Variants in FKBP15 observed in about 807,000 individuals in gnomAD.
The protein encoded by FKBP15 is FKBP prolyl isomerase family member 15.
In FKBP15, 106 loss-of-function variants were observed where a neutral mutation model predicts 158.1. That is an observed-to-expected ratio of 0.67 (90% CI 0.57 to 0.79). The LOEUF (loss-of-function observed/expected upper bound fraction) is 0.79, where lower values mean the gene tolerates loss of function less well. Ranked by LOEUF, FKBP15 falls within the 30% of genes least tolerant of loss-of-function variation. The pLI, the probability that FKBP15 is intolerant of heterozygous loss-of-function variation, is 0.00. For synonymous variants in FKBP15, 547 were observed against 548.6 expected (o/e 1.00, Z 0.04); for missense variants, 1,287 against 1,479.1 (o/e 0.87, Z 2.13).
Position 113,161,969 on chromosome 9 carries a change from A to G in FKBP15, c.*4109T>C. ...GATCTTCAGGTGCAGGCCCCTATCT[A>G]GCAAATGAGGTGGCCACCCACCCTC... On this transcript the variant is annotated 3_prime_UTR_variant, in exon 28 of 28. Transcript: ENST00000238256. 1 of 543,374 alleles carries G rather than the reference A, an allele frequency of 1.8e-6. No homozygotes were observed. Among genetic ancestry groups the G allele is most frequent in the South Asian group, 1.8e-5 (1 of 57,124 alleles). The allele number at this position is 543,374 out of a possible 1,614,324, so 33.7% of individuals were successfully genotyped here.
At chr9:113,209,783 T>C (rs1233517040) in intron 2 of FKBP15, among the ~76,000 whole-genome samples, 3 of 152,268 alleles carry the variant, frequency 2.0e-5, no homozygotes, top group African/African-American at 7.2e-5. Context: ...TCTGCTTTCT[T>C]CAGCACTTTT....
chr9:113,188,891 C>G (rs756022851), intron 12 of FKBP15, among the ~76,000 whole-genome samples: 32 of 152,208 alleles, frequency 2.1e-4, no homozygotes, highest in Non-Finnish European at 1.8e-4. Flanking sequence ...AGCCTCTTCG[C>G]TTCTTACAAA....
chr9:113,193,455 G>A (rs1236870507), intron 11 of FKBP15, 37 bp downstream of exon 11: 1 of 1,533,338 alleles, frequency 6.5e-7, no homozygotes, highest in Non-Finnish European at 8.9e-7. Context: ...GATTACAGGT[G>A]TGAACCACCA....
chr9:113,178,632 G>T lies in FKBP15; in HGVS notation c.2084C>A (p.Ser695Ter). ...AGCATCCCCCACCTAGCACATACCTGAGAGCTTTGCCTGCACTTTGGTGAG... is the reference window on the plus strand; with the variant it reads ...AGCATCCCCCACCTAGCACATACCTTAGAGCTTTGCCTGCACTTTGGTGAG... Reference protein sequence around the residue: ...GQLTKVQAKLSELQETSEQAQ... With the variant: ...GQLTKVQAKL Residue 695 changes from serine to a stop codon, truncating the protein, a stop_gained and splice_region_variant, in exon 20 of 28, where the codon TCA (serine) becomes TAA (stop). Coordinates refer to ENST00000238256, the MANE Select transcript of FKBP15 (RefSeq NM_015258.2). LOFTEE classifies it high-confidence loss of function. 6.2e-7 allele frequency: 1 copy of T among 1,607,946 alleles called. No individual in the cohort carries two copies. Among genetic ancestry groups the T allele is most frequent in the East Asian group, 2.2e-5 (1 of 44,692 alleles).
chr9:113,170,060 G>A, intron 25 of FKBP15, 118 bp from the exon 26 acceptor site: 1 of 1,297,198 alleles, frequency 7.7e-7, no homozygotes, highest in Non-Finnish European at 1.0e-6. Context: ...TGTTAAAAGA[G>A]GCTGACTATA....
At position 113,207,305 on chromosome 9, in the gene FKBP15, G is replaced by A. The variant is rs775696860; in HGVS notation, c.170-9C>T. On this transcript the variant is annotated splice_polypyrimidine_tract_variant and intron_variant, in intron 2 of 27. Coordinates refer to ENST00000238256, the MANE Select transcript of FKBP15 (RefSeq NM_015258.2). ...TGGTGTTGCCTGATTTCCTGAAGAT[G>A]AACAAGAAAACAAAGTTGTCATTCA... 5.7e-6 allele frequency: 9 copies of A among 1,583,874 alleles called. No individual in the cohort carries two copies. The highest frequency in any genetic ancestry group is 1.7e-4 in the Middle Eastern group (1 of 5,972).
chr9:113,190,436 G>T, intron 12 of FKBP15, 35 bp downstream of exon 12: 2 of 1,468,766 alleles, frequency 1.4e-6, no homozygotes, highest in Non-Finnish European at 1.9e-6. Context: ...GGCGACATCT[G>T]TACTATTCAT....
rs767485860 is a variant in FKBP15, at chr9:113,166,099, ATCG to A, written c.3636_3638del (p.Asp1214del). Reference sequence around the variant, plus strand: ...GTCTTCATCCCAGCCAGTCAATGTCATCGTCATCATCATCATCTCCAAAAAGGG... The same window carrying A: ...GTCTTCATCCCAGCCAGTCAATGTCATCATCATCATCATCTCCAAAAAGGG... On this transcript the variant is annotated inframe_deletion, in exon 28 of 28. Coordinates refer to ENST00000238256, the MANE Select transcript of FKBP15 (RefSeq NM_015258.2). 32 of 1,613,468 alleles carry A rather than the reference ATCG, an allele frequency of 2.0e-5. No homozygotes were observed. The highest frequency in any genetic ancestry group is 2.6e-5 in the Non-Finnish European group (31 of 1,179,758).
intron 1 of FKBP15, among the ~76,000 whole-genome samples, chr9:113,214,706 C>T (rs1831082927): frequency 6.6e-6 from 1 of 152,244 alleles, no homozygotes; most frequent in Admixed American, 6.5e-5. Context: ...GCATTGACTT[C>T]TCCTCTCTAG....
intron 20 of FKBP15, 36 bp from the exon 21 acceptor site, chr9:113,176,709 C>T (rs1369532373): frequency 1.2e-6 from 2 of 1,600,538 alleles, no homozygotes; most frequent in Non-Finnish European, 1.7e-6. Context: ...CGCTACAGAA[C>T]CAAAGCTGTA....
intron 12 of FKBP15, 196 bp from the exon 13 acceptor site, chr9:113,188,687 C>T: frequency 1.8e-6 from 1 of 543,140 alleles, no homozygotes; most frequent in Non-Finnish European, 3.3e-6. Context: ...AAGTAAGAGT[C>T]CTTCTCCCTA....
At chr9:113,194,519 T>C (rs4319172) in intron 9 of FKBP15, among the ~76,000 whole-genome samples, 20,795 of 151,604 alleles carry the variant, frequency 0.14, 1,860 homozygotes, top group Non-Finnish European at 0.19. Flanking sequence ...CCTCCTTTCA[T>C]TTTACTTATT....
intron 19 of FKBP15, among the ~76,000 whole-genome samples, chr9:113,180,398 AAATG>A (rs1830373852): frequency 1.9e-5 from 2 of 105,606 alleles, no homozygotes; most frequent in Admixed American, 1.1e-4. Flanking sequence ...GATCAGAAAA[AAATG>A]TGTGTGTGTG....
Position 113,184,817 on chromosome 9 carries a change from A to G in FKBP15, c.1499-13T>C, listed in dbSNP as rs1486703104. The G allele has an allele frequency of 6.4e-7, 1 of 1,573,114 alleles. No individual in the cohort carries two copies. Among genetic ancestry groups the G allele is most frequent in the Non-Finnish European group, 8.6e-7 (1 of 1,156,516 alleles). On this transcript the variant is annotated splice_polypyrimidine_tract_variant and intron_variant, in intron 15 of 27. Coordinates refer to ENST00000238256, the MANE Select transcript of FKBP15 (RefSeq NM_015258.2). The surrounding 1 kb of genome is among the most constrained non-coding windows in gnomAD (Gnocchi z 4.5). ...ATATCACCTGATCCTAAACAGATAC[A>G]AGCCAAAAAGAAACTTATGAAACTG...
chr9:113,218,377 T>TTATATATATATA lies in FKBP15; in HGVS notation c.53+2802_53+2813dup, dbSNP rs10539484. 3.4e-3 allele frequency among the ~76,000 whole-genome samples: 348 copies of TTATATATATATA among 101,334 alleles called. 4 individuals carry two copies. The highest frequency in any genetic ancestry group is 4.5e-3 in the African/African-American group (116 of 25,732). 66.5% of individuals were successfully genotyped at this position (101,334 alleles called of 152,430 possible). ...ACCTCATAGAGAGGAGTAAATACAATTATATATATATATATATATATATAT... is the reference window on the plus strand; with the variant it reads ...ACCTCATAGAGAGGAGTAAATACAATTATATATATATATATATATATATATATATATATATAT... On this transcript the variant is annotated intron_variant, in intron 1 of 27. Transcript: ENST00000238256.
In FKBP15 at chr9:113,184,223, G is replaced by A; in HGVS notation, c.1716+69C>T. On this transcript the variant is annotated intron_variant, in intron 17 of 27. Transcript: ENST00000238256. This position sits in a 1 kb window ranked among gnomAD's most constrained non-coding sequence, Gnocchi z 4.5. ...ATTTCTGGGGTGGAGGTGTTAAAGA[G>A]TAGTACCTCTGAGAAGAGAGGATGG... is the stretch of plus-strand genomic sequence containing the variant. 1 of 1,077,244 alleles carries A rather than the reference G, an allele frequency of 9.3e-7. No homozygotes were observed. 66.7% of individuals were successfully genotyped at this position (1,077,244 alleles called of 1,614,324 possible).
In FKBP15 at chr9:113,206,564, T is replaced by C; in HGVS notation, c.269A>G (p.Tyr90Cys). The C allele has an allele frequency of 6.2e-7, 1 of 1,613,728 alleles. No individual in the cohort carries two copies. Among genetic ancestry groups the C allele is most frequent in the East Asian group, 2.2e-5 (1 of 44,894 alleles). ...VHAYRYTNGQYVKQGKFGAAV... is the reference protein window; with the variant it reads ...VHAYRYTNGQCVKQGKFGAAV... ...AGCACCAAATTTGCCCTGCTTTACATATTGACCATTTGTGCTATAAAAGGA... is the reference window on the plus strand; with the variant it reads ...AGCACCAAATTTGCCCTGCTTTACACATTGACCATTTGTGCTATAAAAGGA... The change falls in exon 4 of 28, where the codon TAT becomes TGT. Residue 90 changes from tyrosine (Y) to cysteine (C), a missense_variant. By Grantham distance (194) the Tyr-to-Cys change is radical. Coordinates refer to ENST00000238256, the MANE Select transcript of FKBP15 (RefSeq NM_015258.2).
chr9:113,219,092 A>T (rs1831200807), intron 1 of FKBP15, among the ~76,000 whole-genome samples: 1 of 152,238 alleles, frequency 6.6e-6, no homozygotes, highest in Non-Finnish European at 1.5e-5. Flanking sequence ...GAAGCCAAGT[A>T]CTATTAGTTC....
intron 8 of FKBP15, among the ~76,000 whole-genome samples, chr9:113,197,664 G>C (rs1830713437): frequency 6.6e-6 from 1 of 152,126 alleles, no homozygotes; most frequent in African/African-American, 2.4e-5. Flanking sequence ...GCAAGACTCA[G>C]TTTCCCCCCA....
Sources: allele counts gnomAD v4.1 joint callset (sites outside exome capture counted in the v4.1 genomes callset), GRCh38; gene constraint gnomAD v4.1.1; non-coding constraint Gnocchi (gnomAD v3.1); transcripts MANE v1.5; gene names NCBI Gene and HGNC (gene_info 2026-07-23, HGNC 2026-07-21).